Variants in MYO18B observed in about 807,000 individuals in gnomAD.
The protein encoded by MYO18B is unconventional myosin-XVIIIb.
Under a neutral mutation model 273.0 loss-of-function variants are expected in MYO18B, and 204 were observed. That is an observed-to-expected ratio of 0.75 (90% CI 0.67 to 0.84). MYO18B has a LOEUF of 0.84. MYO18B is among the 40% of genes least tolerant of loss of function. The pLI is 0.00. For missense variants in MYO18B, 3,212 were observed against 3,287.6 expected, an observed-to-expected ratio of 0.98 and a Z score of 0.56; for synonymous variants, 1,330 against 1,305.7, an observed-to-expected ratio of 1.02 and a Z score of -0.40.
chr22:26,020,602 G>A (rs577298802), intron 42 of MYO18B, among the ~76,000 whole-genome samples: 5 of 152,214 alleles, frequency 3.3e-5, no homozygotes, highest in Non-Finnish European at 7.3e-5. Flanking sequence ...AGATAAATAA[G>A]TCATGTATGG....
intron 12 of MYO18B, among the ~76,000 whole-genome samples, chr22:25,800,545 G>A (rs547117714): frequency 2.6e-5 from 4 of 152,342 alleles, no homozygotes; most frequent in Admixed American, 2.6e-4. Flanking sequence ...CACAGGAGAG[G>A]GAAGGCAGGT....
Position 25,955,268 on chromosome 22 carries a change from C to T in MYO18B, c.6060C>T (p.Ser2020=). Reference sequence around the variant, plus strand: ...CCTCCGAGTCCCAGCAGCGGGAGAGCAGCCAGTACTACCAGCGGCGCCTGG... The same window carrying T: ...CCTCCGAGTCCCAGCAGCGGGAGAGTAGCCAGTACTACCAGCGGCGCCTGG... The part of the protein sequence containing the change: ...AATSESQQRE[S]SQYYQRRLEE... The change falls in exon 39 of 44, where the codon AGC becomes AGT. Residue 2020 remains serine (S), a synonymous_variant. Coordinates refer to ENST00000335473, the MANE Select transcript of MYO18B (RefSeq NM_032608.7). 6.2e-7 allele frequency: 1 copy of T among 1,613,686 alleles called. No homozygotes were observed. Among genetic ancestry groups the T allele is most frequent in the Non-Finnish European group, 8.5e-7 (1 of 1,179,838 alleles).
chr22:26,047,418 G>A, the MYO18B span, among the ~76,000 whole-genome samples: 893 of 152,150 alleles, frequency 5.9e-3, 6 homozygotes, highest in African/African-American at 0.019. Context: ...GAGCCACCGC[G>A]CCCAGCCAGT....
chr22:25,802,220 C>A (rs186001145), intron 12 of MYO18B, among the ~76,000 whole-genome samples: 3 of 152,282 alleles, frequency 2.0e-5, no homozygotes, highest in Non-Finnish European at 4.4e-5. Flanking sequence ...TACTTACAAC[C>A]ACTGCTCTAT....
At chr22:25,807,976 GAGTT>G (rs1569048397) in intron 12 of MYO18B, among the ~76,000 whole-genome samples, 1 of 152,084 alleles carries the variant, frequency 6.6e-6, no homozygotes, top group African/African-American at 2.4e-5. Context: ...ATGTAAGTAA[GAGTT>G]AGATTTTAAA....
chr22:25,999,589 CTT>C, intron 40 of MYO18B, among the ~76,000 whole-genome samples: 1 of 122,138 alleles, frequency 8.2e-6, no homozygotes, highest in Non-Finnish European at 1.7e-5. Context: ...TCCTCCTCCT[CTT>C]CCTCCTTTCT....
At chr22:25,930,109 CT>C (rs1466768129) in intron 34 of MYO18B, among the ~76,000 whole-genome samples, 1 of 152,112 alleles carries the variant, frequency 6.6e-6, no homozygotes, top group Non-Finnish European at 1.5e-5. Flanking sequence ...GTTCTTGCTT[CT>C]TTCACTGATC....
At chr22:26,039,849 G>C in the MYO18B span, among the ~76,000 whole-genome samples, 313 of 152,078 alleles carry the variant, frequency 2.1e-3, no homozygotes, top group Middle Eastern at 6.8e-3. Flanking sequence ...TTTCAAGGCA[G>C]GCTCTCACTG....
At chr22:25,879,465 G>A (rs559891133) in intron 25 of MYO18B, among the ~76,000 whole-genome samples, 9 of 152,254 alleles carry the variant, frequency 5.9e-5, no homozygotes, top group Admixed American at 5.9e-4. Context: ...CAGAGTAGGG[G>A]TTACCTGGGG....
intron 6 of MYO18B, 25 bp from the exon 7 acceptor site, chr22:25,772,309 G>A (rs747251372): frequency 3.7e-6 from 6 of 1,605,956 alleles, no homozygotes; most frequent in Non-Finnish European, 5.1e-6. Flanking sequence ...AAGGCCAGAG[G>A]AGACTCTGTG....
chr22:25,833,065 T>C, intron 16 of MYO18B, 68 bp downstream of exon 16: 1 of 1,453,910 alleles, frequency 6.9e-7, no homozygotes, highest in Non-Finnish European at 9.7e-7. Context: ...CTGGTGGATT[T>C]GAGTCTTCAG....
chr22:25,877,904 G>C, intron 24 of MYO18B, 55 bp from the exon 25 acceptor site: 1 of 1,462,272 alleles, frequency 6.8e-7, no homozygotes, highest in Non-Finnish European at 9.4e-7. Context: ...CCTAACACAG[G>C]TGGAACTTAA....
intron 43 of MYO18B, among the ~76,000 whole-genome samples, chr22:26,028,953 G>T (rs1936500105): frequency 1.3e-5 from 2 of 150,738 alleles, no homozygotes; most frequent in Admixed American, 6.6e-5. Flanking sequence ...GGACACATCA[G>T]ACAGTCATTT....
intron 34 of MYO18B, among the ~76,000 whole-genome samples, chr22:25,926,685 C>A (rs771067315): frequency 1.4e-4 from 22 of 152,166 alleles, no homozygotes; most frequent in Non-Finnish European, 2.8e-4. Flanking sequence ...TGGATATGAT[C>A]TCCACTCTGG....
At chr22:25,846,073 C>G in intron 18 of MYO18B, 27 bp from the exon 19 acceptor site, 11 of 1,490,160 alleles carry the variant, frequency 7.4e-6, no homozygotes, top group Admixed American at 2.6e-5. Context: ...CCTAAAGCTC[C>G]TCTCTCTTTT....
intron 1 of MYO18B, among the ~76,000 whole-genome samples, chr22:25,749,160 C>T (rs1463642476): frequency 6.6e-6 from 1 of 152,188 alleles, no homozygotes; most frequent in Non-Finnish European, 1.5e-5. Flanking sequence ...AACCTACTTC[C>T]CTACTGACTG....
chr22:25,791,534 G>A (rs925757838), intron 11 of MYO18B, among the ~76,000 whole-genome samples: 3 of 152,216 alleles, frequency 2.0e-5, no homozygotes, highest in African/African-American at 4.8e-5. Context: ...CAAGCACCAG[G>A]ATACATCTGA....
At chr22:25,790,109 C>T (rs947508595) in intron 11 of MYO18B, among the ~76,000 whole-genome samples, 3 of 152,156 alleles carry the variant, frequency 2.0e-5, no homozygotes, top group Non-Finnish European at 2.9e-5. Flanking sequence ...GCCGAGATTG[C>T]GCCACTGCAC....
chr22:25,820,366 A>G (rs2089230239), intron 12 of MYO18B, among the ~76,000 whole-genome samples: 1 of 151,958 alleles, frequency 6.6e-6, no homozygotes, highest in Admixed American at 6.5e-5. Flanking sequence ...CCTTTTCCAA[A>G]TTTCTAGTTT....
Sources: allele counts gnomAD v4.1 joint callset (sites outside exome capture counted in the v4.1 genomes callset), GRCh38; gene constraint gnomAD v4.1.1; transcripts MANE v1.5; gene names NCBI Gene and HGNC (gene_info 2026-07-23, HGNC 2026-07-21).